PLIN5: variants seen among roughly 807,000 people sequenced by gnomAD.
PLIN5 encodes perilipin 5, also known as perilipin-5.
A neutral mutation model predicts 32.8 loss-of-function variants in PLIN5; 34 were observed. The observed-to-expected ratio is 1.04, with a 90% CI of 0.79 to 1.38. The LOEUF (loss-of-function observed/expected upper bound fraction) is 1.38, where lower values mean the gene tolerates loss of function less well. Ranked by LOEUF, PLIN5 falls within the 40% of genes most tolerant of loss-of-function variation. PLIN5 has a pLI of 0.00. For synonymous variants in PLIN5, 309 were observed against 292.9 expected (o/e 1.05, Z -0.56); for missense variants, 712 against 660.5 (o/e 1.08, Z -0.85).
intron 3 of PLIN5, 127 bp downstream of exon 3, chr19:4,531,500 T>C: frequency 1.1e-6 from 1 of 909,630 alleles, no homozygotes; most frequent in Non-Finnish European, 1.5e-6. Context: ...GGCATGGCAG[T>C]GGGACAGGTG....
intron 1 of PLIN5, 89 bp from the exon 2 acceptor site, chr19:4,534,184 T>A (rs1173314690): frequency 9.3e-7 from 1 of 1,077,986 alleles, no homozygotes; most frequent in Non-Finnish European, 1.4e-6. Flanking sequence ...CTCTCAAACC[T>A]CTTGGGGCCT....
rs906025043 is a variant in PLIN5, at chr19:4,524,121, C to T, written c.835-36G>A. 2.1e-5 allele frequency: 29 copies of T among 1,389,980 alleles called. No individual in the cohort carries two copies. The African/African-American group carries it at 2.4e-4, about 12-fold the overall frequency. 86.1% of individuals were successfully genotyped at this position (1,389,980 alleles called of 1,614,324 possible). On this transcript the variant is annotated intron_variant, in intron 7 of 7. Coordinates refer to ENST00000381848, the MANE Select transcript of PLIN5 (RefSeq NM_001013706.3). ...CGGGGACCTCAGTTTCCCCTATGGA[C>T]GCCCAGGAGGACTGCTGTCCTGCCT...
chr19:4,527,372 T>TA (rs889123743), intron 5 of PLIN5, among the ~76,000 whole-genome samples: 1 of 150,152 alleles, frequency 6.7e-6, no homozygotes, highest in African/African-American at 2.4e-5. Context: ...GCGCCCGGCC[T>TA]AAAAAAAAAT....
chr19:4,526,260 C>T (rs1266059254), intron 5 of PLIN5, among the ~76,000 whole-genome samples: 1 of 152,040 alleles, frequency 6.6e-6, no homozygotes, highest in Non-Finnish European at 1.5e-5. Flanking sequence ...CTCGCTCTGT[C>T]CCCTAGGCTG....
In PLIN5 at chr19:4,523,007, C is replaced by T. The variant is rs1277400998; in HGVS notation, c.*521G>A. 1 of 152,302 alleles carries T rather than the reference C, an allele frequency of 6.6e-6. No homozygotes were observed. The highest frequency in any genetic ancestry group is 2.1e-4 in the South Asian group (1 of 4,842). 9.4% of individuals were successfully genotyped at this position (152,302 alleles called of 1,614,324 possible). A position where few individuals can be genotyped will look rare whatever the true frequency, so the allele number is the denominator to read the frequency against. ...TGCTCACTGCAAGCTCCGCGCCTCT[C>T]GGGTTTAAGCAATTCTTCTGCGTCA... On this transcript the variant is annotated 3_prime_UTR_variant, in exon 8 of 8. Transcript: ENST00000381848. The surrounding 1 kb of genome is among the most constrained non-coding windows in gnomAD (Gnocchi z 5.0).
intron 3 of PLIN5, among the ~76,000 whole-genome samples, chr19:4,531,240 C>A (rs1976879910): frequency 6.6e-6 from 1 of 151,872 alleles, no homozygotes; most frequent in Non-Finnish European, 1.5e-5. Flanking sequence ...ACCTTGTGAT[C>A]CAACCGCCTC....
Position 4,523,471 on chromosome 19 carries a change from C to A in PLIN5, c.*57G>T. The A allele has an allele frequency of 5.3e-6, 8 of 1,497,566 alleles. No homozygotes were observed. Among genetic ancestry groups the A allele is most frequent in the South Asian group, 1.4e-5 (1 of 73,836 alleles). The allele number at this position is 1,497,566 out of a possible 1,614,324, so 92.8% of individuals were successfully genotyped here. ...GAGCTTACGTGTGGCCACCAGGGGGCAGCAGGGATCGGGGTGTGCAGGTGG... is the reference window on the plus strand; with the variant it reads ...GAGCTTACGTGTGGCCACCAGGGGGAAGCAGGGATCGGGGTGTGCAGGTGG... On this transcript the variant is annotated 3_prime_UTR_variant, in exon 8 of 8. Transcript: ENST00000381848. This position sits in a 1 kb window ranked among gnomAD's most constrained non-coding sequence, Gnocchi z 5.0.
At chr19:4,527,019 T>A (rs953491803) in intron 5 of PLIN5, among the ~76,000 whole-genome samples, 8 of 151,804 alleles carry the variant, frequency 5.3e-5, no homozygotes, top group African/African-American at 1.9e-4. Flanking sequence ...GGGGGATCAC[T>A]TGAGCCCAGG....
rs1019751812 is a variant in PLIN5, at chr19:4,534,861, G to A, written c.-22+304C>T. Among the ~76,000 whole-genome samples, 16 of 152,330 alleles carry A rather than the reference G, an allele frequency of 1.1e-4. No homozygotes were observed. The East Asian group carries it at 3.1e-3, about 29-fold the overall frequency. ...TCATTTGACAGACAGGGCAACTGAG[G>A]TACGCAGCAGGTCCATGCTGGTCCC... On this transcript the variant is annotated intron_variant, in intron 1 of 7. Transcript: ENST00000381848.
At chr19:4,528,928 G>A in intron 5 of PLIN5, 145 bp downstream of exon 5, 2 of 856,200 alleles carry the variant, frequency 2.3e-6, no homozygotes, top group South Asian at 1.9e-5. Flanking sequence ...GTGACCGGGA[G>A]GGAGGACAGG....
At chr19:4,528,751 A>G (rs1046827814) in intron 5 of PLIN5, 5 of 232,742 alleles carry the variant, frequency 2.1e-5, no homozygotes, top group African/African-American at 1.1e-4. Flanking sequence ...GGGACATGTA[A>G]TGCAAAATCT....
chr19:4,529,064 C>T lies in PLIN5; in HGVS notation c.520+9G>A, dbSNP rs758845867. 5 of 1,610,764 alleles carry T rather than the reference C, an allele frequency of 3.1e-6. No homozygotes were observed. Among genetic ancestry groups the T allele is most frequent in the African/African-American group, 1.3e-5 (1 of 75,012 alleles). Reference sequence around the variant, plus strand: ...ACTCAGGGGTTAGGGTTGAGGGTGTCGTCCTCACCGAGCTCTTCCTCCGTC... The same window carrying T: ...ACTCAGGGGTTAGGGTTGAGGGTGTTGTCCTCACCGAGCTCTTCCTCCGTC... On this transcript the variant is annotated intron_variant, in intron 5 of 7. Transcript: ENST00000381848.
chr19:4,526,483 C>G (rs367908089), intron 5 of PLIN5, among the ~76,000 whole-genome samples: 1 of 152,140 alleles, frequency 6.6e-6, no homozygotes, highest in Non-Finnish European at 1.5e-5. Flanking sequence ...GGCCTCCTAA[C>G]GTGCTGTGTT....
At position 4,523,783 on chromosome 19, in the gene PLIN5, C is replaced by T. The variant is rs768009709; in HGVS notation, c.1137G>A (p.Ala379=). 1.1e-5 allele frequency: 18 copies of T among 1,597,690 alleles called. No individual in the cohort carries two copies. The highest frequency in any genetic ancestry group is 3.3e-5 in the Admixed American group (2 of 59,908). The change falls in exon 8 of 8, where the codon GCG becomes GCA. Residue 379 remains alanine (A), a synonymous_variant. Transcript: ENST00000381848. The surrounding 1 kb of genome is among the most constrained non-coding windows in gnomAD (Gnocchi z 5.0). Reference sequence around the variant, plus strand: ...GCTCGGGTCGCTCCACAAGGATGGGCGCGAAGGGTCCCACCAGCCAGGGCA... The same window carrying T: ...GCTCGGGTCGCTCCACAAGGATGGGTGCGAAGGGTCCCACCAGCCAGGGCA... ...VPLPWLVGPF[A]PILVERPEPL... is the part of the protein sequence containing the mutation.
At chr19:4,531,503 G>A in intron 3 of PLIN5, 124 bp downstream of exon 3, 1 of 964,886 alleles carries the variant, frequency 1.0e-6, no homozygotes, top group Non-Finnish European at 1.5e-6. Flanking sequence ...ATGGCAGTGG[G>A]ACAGGTGGCT....
At chr19:4,534,502 A>G (rs1276319400) in intron 1 of PLIN5, among the ~76,000 whole-genome samples, 1 of 152,156 alleles carries the variant, frequency 6.6e-6, no homozygotes, top group Non-Finnish European at 1.5e-5. Context: ...CCTCCCAGTT[A>G]GCTGGGATTA....
chr19:4,534,510 T>A (rs1976924323), intron 1 of PLIN5, among the ~76,000 whole-genome samples: 1 of 152,126 alleles, frequency 6.6e-6, no homozygotes, highest in Non-Finnish European at 1.5e-5. Flanking sequence ...TTAGCTGGGA[T>A]TACCCACGTG....
In PLIN5 at chr19:4,529,772, C is replaced by G. The variant is rs371042131; in HGVS notation, c.339+12G>C. 8 of 1,610,116 alleles carry G rather than the reference C, an allele frequency of 5.0e-6. No homozygotes were observed. The South Asian group carries it at 8.8e-5, about 18-fold the overall frequency. Reference sequence around the variant, plus strand: ...CCCACTGGAGGTCCCCATGTCTAGTCGTCCGGGGTACCGTCTCCGAAGGTT... The same window carrying G: ...CCCACTGGAGGTCCCCATGTCTAGTGGTCCGGGGTACCGTCTCCGAAGGTT... On this transcript the variant is annotated intron_variant, in intron 4 of 7. Transcript: ENST00000381848.
At chr19:4,524,172 G>A (rs1976770168) in intron 7 of PLIN5, 87 bp from the exon 8 acceptor site, 2 of 1,303,668 alleles carry the variant, frequency 1.5e-6, no homozygotes, top group Non-Finnish European at 2.0e-6. Flanking sequence ...ACCCACAGTG[G>A]AGCTGTCAAC....
Sources: gnomAD v4.1 joint callset for allele counts (sites outside exome capture counted in the v4.1 genomes callset) on GRCh38, gnomAD v4.1.1 for gene constraint, Gnocchi (gnomAD v3.1) non-coding constraint, MANE v1.5 for transcripts, NCBI Gene and HGNC (gene_info 2026-07-23, HGNC 2026-07-21) for gene names.